KATNIP: variants seen among roughly 807,000 people sequenced by gnomAD.
KATNIP encodes the protein katanin-interacting protein.
A neutral mutation model predicts 174.0 loss-of-function variants in KATNIP; 126 were observed. The observed-to-expected ratio is 0.72, with a 90% CI of 0.63 to 0.84. The LOEUF is 0.84. Ranked by LOEUF, KATNIP falls within the 40% of genes least tolerant of loss-of-function variation. KATNIP has a pLI of 0.00. For synonymous variants in KATNIP, 810 were observed against 835.7 expected (o/e 0.97, Z 0.53); for missense variants, 1,958 against 2,109.7 (o/e 0.93, Z 1.41).
intron 14 of KATNIP, among the ~76,000 whole-genome samples, chr16:27,731,645 A>G (rs1337469544): frequency 6.7e-6 from 1 of 149,448 alleles, no homozygotes; most frequent in Non-Finnish European, 1.5e-5. Context: ...TTTGAGACAG[A>G]GTCTTGCTCT....
At chr16:27,622,943 T>C (rs2076237944) in intron 3 of KATNIP, among the ~76,000 whole-genome samples, 1 of 152,140 alleles carries the variant, frequency 6.6e-6, no homozygotes, top group Non-Finnish European at 1.5e-5. Flanking sequence ...TCTCTGGCAA[T>C]GAGCTCCGTC....
At chr16:27,580,625 A>G (rs558511231) in intron 2 of KATNIP, among the ~76,000 whole-genome samples, 149 of 152,134 alleles carry the variant, frequency 9.8e-4, no homozygotes, top group African/African-American at 3.4e-3. Context: ...GTATGCAGCT[A>G]TGCAGAACAT....
At chr16:27,760,693 G>A (rs2081918835) in intron 18 of KATNIP, among the ~76,000 whole-genome samples, 1 of 152,240 alleles carries the variant, frequency 6.6e-6, no homozygotes, top group South Asian at 2.1e-4. Context: ...GCCAGGCTCA[G>A]GACACAGTGG....
intron 1 of KATNIP, among the ~76,000 whole-genome samples, chr16:27,553,625 G>A (rs951500700): frequency 6.6e-6 from 1 of 151,926 alleles, no homozygotes; most frequent in East Asian, 1.9e-4. Context: ...GACCAGCTTC[G>A]TCAACATAGT....
chr16:27,571,107 A>T lies in KATNIP; in HGVS notation c.8-2794A>T, dbSNP rs565509251. 4.3e-4 allele frequency among the ~76,000 whole-genome samples: 66 copies of T among 152,248 alleles called. No individual in the cohort carries two copies. In the South Asian group the frequency reaches 0.013, roughly 31 times the overall value. ...GAGTCCAGTGGTGCGATCTCGGCTC[A>T]CTGCAACTTCTGCCTCCGAGGTTCA... On this transcript the variant is annotated intron_variant, in intron 1 of 27. Transcript: ENST00000261588.
intron 12 of KATNIP, among the ~76,000 whole-genome samples, chr16:27,706,230 C>T (rs1953518614): frequency 6.6e-6 from 1 of 152,112 alleles, no homozygotes; most frequent in Admixed American, 6.5e-5. Flanking sequence ...TACCTTGCAC[C>T]CCTGTATCAT....
chr16:27,727,880 A>G (rs961263734), intron 14 of KATNIP: 1 of 152,250 alleles, frequency 6.6e-6, no homozygotes, highest in African/African-American at 2.4e-5. Flanking sequence ...TAACAAAAAA[A>G]GTTTGTTTGT....
At chr16:27,703,769 T>G (rs2079191538) in intron 11 of KATNIP, 127 bp from the exon 12 acceptor site, 1 of 718,572 alleles carries the variant, frequency 1.4e-6, no homozygotes, top group Admixed American at 2.2e-5. Flanking sequence ...GCCTTTGAAC[T>G]GGATACAGAG....
At chr16:27,770,052 C>T in intron 21 of KATNIP, 34 bp downstream of exon 21, 1 of 1,601,180 alleles carries the variant, frequency 6.2e-7, no homozygotes, top group Non-Finnish European at 8.5e-7. Context: ...CACAGCCCCT[C>T]CCGGCCCCTG....
chr16:27,677,379 G>A (rs933333776), intron 6 of KATNIP, among the ~76,000 whole-genome samples: 1 of 152,074 alleles, frequency 6.6e-6, no homozygotes, highest in African/African-American at 2.4e-5. Context: ...ATCAGTGGGT[G>A]GGACTCCACA....
chr16:27,616,720 CTG>C (rs2076047619), intron 2 of KATNIP, among the ~76,000 whole-genome samples: 1 of 150,654 alleles, frequency 6.6e-6, no homozygotes. Flanking sequence ...GAGCAAGACT[CTG>C]TCTCAGAAAA....
chr16:27,556,564 A>G (rs1054741617), intron 1 of KATNIP, among the ~76,000 whole-genome samples: 8 of 152,194 alleles, frequency 5.3e-5, no homozygotes, highest in African/African-American at 1.9e-4. Flanking sequence ...TATACTGTTC[A>G]TTTGCTTAGC....
In KATNIP at chr16:27,734,808, A is replaced by G. The variant is rs529164072; in HGVS notation, c.1744-5233A>G. Among the ~76,000 whole-genome samples, 30 of 152,294 alleles carry G rather than the reference A, an allele frequency of 2.0e-4. No individual in the cohort carries two copies. The South Asian group carries it at 6.0e-3, about 31-fold the overall frequency. On this transcript the variant is annotated intron_variant, in intron 14 of 27. Transcript: ENST00000261588. ...CAGGACTGTGGCTTTCTTGGAATCTAGCTTGACCCACAGAAAGATGGTGGT... is the reference window on the plus strand; with the variant it reads ...CAGGACTGTGGCTTTCTTGGAATCTGGCTTGACCCACAGAAAGATGGTGGT...
chr16:27,629,244 G>T (rs931119594), intron 4 of KATNIP, among the ~76,000 whole-genome samples: 1 of 151,288 alleles, frequency 6.6e-6, no homozygotes, highest in East Asian at 1.9e-4. Flanking sequence ...AACTACACCC[G>T]CATGGCCAGA....
At chr16:27,679,855 C>T (rs150002583) in intron 7 of KATNIP, among the ~76,000 whole-genome samples, 44 of 152,146 alleles carry the variant, frequency 2.9e-4, no homozygotes, top group African/African-American at 5.5e-4. Context: ...ATCAGACATG[C>T]TCTCACCATG....
intron 6 of KATNIP, among the ~76,000 whole-genome samples, chr16:27,671,501 T>G (rs1243395790): frequency 6.6e-6 from 1 of 152,238 alleles, no homozygotes; most frequent in Non-Finnish European, 1.5e-5. Flanking sequence ...AAAGGATGCC[T>G]CAACGATCTT....
At chr16:27,747,746 C>T (rs1334025438) in intron 15 of KATNIP, among the ~76,000 whole-genome samples, 1 of 70,866 alleles carries the variant, frequency 1.4e-5, no homozygotes, top group African/African-American at 5.5e-5. Context: ...GTGGCAGGGG[C>T]TTGGGAGAGG....
At chr16:27,609,827 G>A (rs951012913) in intron 2 of KATNIP, among the ~76,000 whole-genome samples, 9 of 152,052 alleles carry the variant, frequency 5.9e-5, no homozygotes, top group African/African-American at 1.9e-4. Flanking sequence ...GTGTAGCTGG[G>A]ATTACAAGCA....
intron 3 of KATNIP, among the ~76,000 whole-genome samples, chr16:27,625,363 T>C (rs1245320412): frequency 2.0e-5 from 3 of 152,188 alleles, no homozygotes; most frequent in Non-Finnish European, 4.4e-5. Flanking sequence ...GGGAGAGAAG[T>C]TGAGGCAGGC....
Sources: allele counts gnomAD v4.1 joint callset (sites outside exome capture counted in the v4.1 genomes callset), GRCh38; gene constraint gnomAD v4.1.1; transcripts MANE v1.5; gene names NCBI Gene and HGNC (gene_info 2026-07-23, HGNC 2026-07-21).